Variants in PLD1 observed in about 807,000 individuals in gnomAD.
PLD1 encodes the protein phospholipase D1, also known as choline phosphatase 1.
PLD1 carries 112 observed loss-of-function variants against 137.1 expected under a neutral mutation model. That is an observed-to-expected ratio of 0.82 (90% CI 0.70 to 0.96). The LOEUF (loss-of-function observed/expected upper bound fraction) is 0.96. PLD1 is among the 40% of genes least tolerant of loss of function. The probability of loss-of-function intolerance (pLI) is 0.00; values close to 1 mark genes in which losing one functional copy is unlikely to be tolerated. For synonymous variants in PLD1, 431 were observed against 454.7 expected (o/e 0.95, Z 0.66); for missense variants, 1,321 against 1,342.0 (o/e 0.98, Z 0.24).
chr3:171,605,445 T>C, intron 25 of PLD1, 29 bp from the exon 26 acceptor site: 1 of 1,253,846 alleles, frequency 8.0e-7, no homozygotes, highest in South Asian at 1.2e-5. Context: ...CCACATTGAG[T>C]AACTGAGATA....
At position 171,785,457 on chromosome 3, in the gene PLD1, T is replaced by C. The variant is rs906689227; in HGVS notation, c.-32+24942A>G. Among the ~76,000 whole-genome samples the C allele has an allele frequency of 1.1e-4, 15 of 132,452 alleles. No homozygotes were observed. In the South Asian group the frequency reaches 2.6e-3, roughly 23 times the overall value. The allele number at this position is 132,452 out of a possible 152,430, so 86.9% of individuals were successfully genotyped here. ...CAGTGTCTATTTTTTTTTTTTTTTT[T>C]AGATGGAGTCTTGCTCCGATGCCCA... On this transcript the variant is annotated intron_variant, in intron 1 of 26. Transcript: ENST00000351298.
intron 22 of PLD1, among the ~76,000 whole-genome samples, chr3:171,643,686 C>T (rs146205293): frequency 7.9e-5 from 12 of 151,956 alleles, no homozygotes; most frequent in South Asian, 4.2e-4. Context: ...ATTAGAATGG[C>T]GAATGAAATT....
chr3:171,708,134 G>A (rs1221608688), intron 11 of PLD1, among the ~76,000 whole-genome samples: 4 of 152,148 alleles, frequency 2.6e-5, no homozygotes, highest in Non-Finnish European at 5.9e-5. Context: ...ATGAATGATT[G>A]GAACTGAAGT....
At chr3:171,667,071 A>G (rs1455419293) in intron 19 of PLD1, among the ~76,000 whole-genome samples, 2 of 152,186 alleles carry the variant, frequency 1.3e-5, no homozygotes, top group African/African-American at 4.8e-5. Flanking sequence ...TAATGCTTTT[A>G]TTCCCTATAA....
Position 171,605,188 on chromosome 3 carries a change from T to G in PLD1, c.3000+111A>C. The G allele has an allele frequency of 4.0e-6, 3 of 748,696 alleles. No individual in the cohort carries two copies. The South Asian group carries it at 4.8e-5, about 12-fold the overall frequency. The allele number at this position is 748,696 out of a possible 1,614,324, so 46.4% of individuals were successfully genotyped here. On this transcript the variant is annotated intron_variant, in intron 26 of 26. Coordinates refer to ENST00000351298, the MANE Select transcript of PLD1 (RefSeq NM_002662.5). ...TTACAACCTGGACATGTATTAGCTT[T>G]TTTACGTTTATTAAGAATACCCTGT...
At chr3:171,678,890 T>C (rs1223628845) in intron 16 of PLD1, among the ~76,000 whole-genome samples, 1 of 150,998 alleles carries the variant, frequency 6.6e-6, no homozygotes, top group Non-Finnish European at 1.5e-5. Flanking sequence ...CATGTCTCCA[T>C]GCAGTTGGCA....
At chr3:171,809,534 G>A (rs1292700964) in intron 1 of PLD1, 1 of 152,242 alleles carries the variant, frequency 6.6e-6, no homozygotes, top group East Asian at 1.9e-4. Flanking sequence ...CCATTTTGGA[G>A]GCAGACTTAG....
chr3:171,711,155 C>CACTGTG (rs1479316300), intron 9 of PLD1, among the ~76,000 whole-genome samples: 3 of 146,068 alleles, frequency 2.1e-5, no homozygotes, highest in Non-Finnish European at 4.5e-5. Context: ...AGGCATGAGC[C>CACTGTG]ACTGTGCCAG....
At chr3:171,784,575 C>G (rs758922758) in intron 1 of PLD1, among the ~76,000 whole-genome samples, 2 of 152,140 alleles carry the variant, frequency 1.3e-5, no homozygotes, top group African/African-American at 2.4e-5. Flanking sequence ...ATGAATTAGC[C>G]CCATTCTTCC....
At chr3:171,710,078 T>TC (rs1192546446) in intron 9 of PLD1, among the ~76,000 whole-genome samples, 1 of 152,026 alleles carries the variant, frequency 6.6e-6, no homozygotes, top group African/African-American at 2.4e-5. Context: ...TTTTCTTTTT[T>TC]TTGAGATGGA....
intron 23 of PLD1, among the ~76,000 whole-genome samples, chr3:171,625,323 G>T (rs1280022274): frequency 6.6e-6 from 1 of 152,254 alleles, no homozygotes; most frequent in Admixed American, 6.5e-5. Context: ...CATTGCCCAG[G>T]CTTGCTTAGG....
intron 1 of PLD1, among the ~76,000 whole-genome samples, chr3:171,807,976 GA>G (rs1373942206): frequency 6.6e-6 from 1 of 152,204 alleles, no homozygotes; most frequent in African/African-American, 2.4e-5. Context: ...TGCAGGAACA[GA>G]AAATCAAACA....
chr3:171,724,443 G>A (rs553400263), intron 8 of PLD1, among the ~76,000 whole-genome samples: 3 of 152,208 alleles, frequency 2.0e-5, no homozygotes, highest in African/African-American at 7.2e-5. Flanking sequence ...CCATTTGTAC[G>A]TCTTCTTTGG....
intron 20 of PLD1, 152 bp downstream of exon 20, chr3:171,661,908 C>A: frequency 1.9e-6 from 1 of 534,376 alleles, no homozygotes; most frequent in South Asian, 2.8e-5. Context: ...GGTCAAAATT[C>A]AGGTGATATG....
At chr3:171,631,652 C>T (rs771708405) in intron 23 of PLD1, among the ~76,000 whole-genome samples, 4 of 152,028 alleles carry the variant, frequency 2.6e-5, no homozygotes, top group African/African-American at 7.2e-5. Flanking sequence ...AGATGATTAG[C>T]GGGGACATGT....
rs2108271025 is a variant in PLD1 at position 171,612,373 on chromosome 3, T to C, written c.2788A>G (p.Ile930Val). 6.2e-7 allele frequency: 1 copy of C among 1,614,120 alleles called. No individual in the cohort carries two copies. Among genetic ancestry groups the C allele is most frequent in the East Asian group, 2.2e-5 (1 of 44,876 alleles). The change falls in exon 25 of 27, where the codon ATT (isoleucine) becomes GTT (valine). Residue 930 changes from isoleucine to valine, a missense_variant. Transcript: ENST00000351298. The surrounding 1 kb of genome is among the most constrained non-coding windows in gnomAD (Gnocchi z 4.1). Reference protein sequence around the residue: ...LGKRDSEMAVIVQDTETVPSV... With the variant: ...LGKRDSEMAVVVQDTETVPSV... Reference sequence around the variant, plus strand: ...GGAACAGTCTCTGTATCTTGCACAATGACAGCCATTTCACTGTCACGCTTT... The same window carrying C: ...GGAACAGTCTCTGTATCTTGCACAACGACAGCCATTTCACTGTCACGCTTT...
Position 171,650,901 on chromosome 3 carries a change from C to CAA in PLD1, c.2430-5880_2430-5879dup, listed in dbSNP as rs769225505. On this transcript the variant is annotated intron_variant, in intron 21 of 26. Coordinates refer to ENST00000351298, the MANE Select transcript of PLD1 (RefSeq NM_002662.5). ...CGGGCGACAGAGCGAGAATCCGTCT[C>CAA]AAAAAAAAAAAAATTAATTTTAAAA... Among the ~76,000 whole-genome samples the CAA allele has an allele frequency of 2.0e-3, 266 of 135,562 alleles. 1 individual carries two copies. The highest frequency in any genetic ancestry group is 5.5e-3 in the African/African-American group (204 of 37,272). The allele number at this position is 135,562 out of a possible 152,430, so 88.9% of individuals were successfully genotyped here. A position where few individuals can be genotyped will look rare whatever the true frequency, so the allele number is the denominator to read the frequency against.
intron 1 of PLD1, among the ~76,000 whole-genome samples, chr3:171,758,707 G>A (rs566673810): frequency 8.9e-4 from 135 of 152,318 alleles, no homozygotes; most frequent in Non-Finnish European, 7.4e-4. Flanking sequence ...AGGAAAATAT[G>A]ACAGAAGCGT....
At chr3:171,666,401 C>T (rs993997166) in intron 19 of PLD1, 2 of 152,238 alleles carry the variant, frequency 1.3e-5, no homozygotes, top group Admixed American at 1.3e-4. Flanking sequence ...GACTTATTCA[C>T]TATCACAAGA....
Sources: allele counts gnomAD v4.1 joint callset (sites outside exome capture counted in the v4.1 genomes callset), GRCh38; gene constraint gnomAD v4.1.1; non-coding constraint Gnocchi (gnomAD v3.1); transcripts MANE v1.5; gene names NCBI Gene and HGNC (gene_info 2026-07-23, HGNC 2026-07-21).